The following BMPR1A variants were observed in gnomAD, a reference collection of about 807,000 sequenced individuals.
The protein encoded by BMPR1A is bone morphogenetic protein receptor type 1A, also known as bone morphogenetic protein receptor type-1A.
A neutral mutation model predicts 66.0 loss-of-function variants in BMPR1A; 7 were observed. That is an observed-to-expected ratio of 0.11 (90% confidence interval 0.06 to 0.20). The LOEUF (loss-of-function observed/expected upper bound fraction) is 0.20. Ranked by LOEUF, BMPR1A falls within the 10% of genes least tolerant of loss-of-function variation. BMPR1A has a pLI of 1.00. For synonymous variants in BMPR1A, 200 were observed against 229.7 expected, an observed-to-expected ratio of 0.87 and a Z score of 1.17; for missense variants, 408 against 669.1, an observed-to-expected ratio of 0.61 and a Z score of 4.31.
chr10:86,904,835 G>T (rs1255071108), intron 7 of BMPR1A, among the ~76,000 whole-genome samples: 1 of 152,174 alleles, frequency 6.6e-6, no homozygotes, highest in Admixed American at 6.5e-5. Context: ...CTTTTTTATA[G>T]TTCTAAACTA....
chr10:86,770,735 G>A (rs980372510), intron 1 of BMPR1A, among the ~76,000 whole-genome samples: 6 of 152,200 alleles, frequency 3.9e-5, no homozygotes, highest in Non-Finnish European at 7.4e-5. Flanking sequence ...GTTTTAAACT[G>A]TACTTTTTAA....
At chr10:86,865,680 ACCAGTATTT>A (rs1360078986) in intron 2 of BMPR1A, among the ~76,000 whole-genome samples, 1 of 152,228 alleles carries the variant, frequency 6.6e-6, no homozygotes, top group Admixed American at 6.5e-5. Context: ...CAAAAAAAGA[ACCAGTATTT>A]CTCAACAAGG....
chr10:86,906,377 G>C (rs761606269), intron 7 of BMPR1A, among the ~76,000 whole-genome samples: 8 of 152,014 alleles, frequency 5.3e-5, no homozygotes, highest in Non-Finnish European at 8.8e-5. Context: ...TCTATGGTTT[G>C]CTATCTTTCA....
intron 1 of BMPR1A, among the ~76,000 whole-genome samples, chr10:86,789,707 C>CTT (rs1841572106): frequency 7.2e-6 from 1 of 139,406 alleles, no homozygotes; most frequent in Non-Finnish European, 1.6e-5. Flanking sequence ...AGTGAAAACT[C>CTT]TGTCTTAGAA....
chr10:86,823,602 A>G (rs1272744401), intron 1 of BMPR1A, among the ~76,000 whole-genome samples: 1 of 152,200 alleles, frequency 6.6e-6, no homozygotes, highest in Non-Finnish European at 1.5e-5. Context: ...GAGGTCTTTA[A>G]TGCTTGGTTG....
chr10:86,906,132 C>T (rs1433161985), intron 7 of BMPR1A, among the ~76,000 whole-genome samples: 1 of 152,196 alleles, frequency 6.6e-6, no homozygotes, highest in Non-Finnish European at 1.5e-5. Context: ...TTTTCACTGG[C>T]TATAGAATTC....
chr10:86,804,249 C>T (rs1841853183), intron 1 of BMPR1A, among the ~76,000 whole-genome samples: 4 of 151,948 alleles, frequency 2.6e-5, no homozygotes, highest in African/African-American at 9.7e-5. Context: ...ACATAGTTTT[C>T]TTTTATTTTG....
chr10:86,897,742 G>GA (rs1204701471), intron 5 of BMPR1A, among the ~76,000 whole-genome samples: 1 of 151,984 alleles, frequency 6.6e-6, no homozygotes, highest in Non-Finnish European at 1.5e-5. Context: ...GAGTAGCTGG[G>GA]ACCACAGGCG....
In BMPR1A at chr10:86,923,656, C is replaced by G; in HGVS notation, c.1536C>G (p.Leu512=). 2 of 1,614,212 alleles carry G rather than the reference C, an allele frequency of 1.2e-6. No homozygotes were observed. The highest frequency in any genetic ancestry group is 1.7e-6 in the Non-Finnish European group (2 of 1,180,044). ...GGGCCCACAATCCAGCCTCCAGACT[C>G]ACAGCATTGAGAATTAAGAAGACGC... ...ECWAHNPASR[L]TALRIKKTLA... Residue 512 remains leucine (L), a synonymous_variant, in exon 13 of 13, where the codon CTC becomes CTG. Coordinates refer to ENST00000372037, the MANE Select transcript of BMPR1A (RefSeq NM_004329.3).
intron 2 of BMPR1A, among the ~76,000 whole-genome samples, chr10:86,845,675 C>G (rs1842473975): frequency 6.6e-6 from 1 of 152,140 alleles, no homozygotes; most frequent in Non-Finnish European, 1.5e-5. Context: ...GTCACTGACC[C>G]TGCAGATTGG....
intron 8 of BMPR1A, among the ~76,000 whole-genome samples, chr10:86,914,243 C>G (rs1312861359): frequency 2.0e-5 from 3 of 152,150 alleles, no homozygotes; most frequent in Non-Finnish European, 2.9e-5. Context: ...TACCTCCTCA[C>G]TCTATACCAA....
At chr10:86,850,321 A>G (rs1373401258) in intron 2 of BMPR1A, among the ~76,000 whole-genome samples, 1 of 150,310 alleles carries the variant, frequency 6.7e-6, no homozygotes, top group Non-Finnish European at 1.5e-5. Flanking sequence ...CTCCATTTCA[A>G]AAAAAAAAAA....
At chr10:86,886,282 G>A (rs1487438837) in intron 3 of BMPR1A, among the ~76,000 whole-genome samples, 2 of 152,148 alleles carry the variant, frequency 1.3e-5, no homozygotes, top group Admixed American at 6.5e-5. Context: ...TATTCTGAGT[G>A]CATTGTGGAG....
chr10:86,906,073 G>A (rs1564719957), intron 7 of BMPR1A, among the ~76,000 whole-genome samples: 2 of 152,138 alleles, frequency 1.3e-5, no homozygotes, highest in Non-Finnish European at 2.9e-5. Flanking sequence ...CTGGCTGTAA[G>A]TCCTCTCAGC....
intron 2 of BMPR1A, among the ~76,000 whole-genome samples, chr10:86,866,840 C>T (rs2133268136): frequency 6.6e-6 from 1 of 152,190 alleles, no homozygotes; most frequent in East Asian, 1.9e-4. Flanking sequence ...GTTAGTTTGT[C>T]ATATATACTA....
intron 2 of BMPR1A, among the ~76,000 whole-genome samples, chr10:86,839,624 A>G (rs1842397976): frequency 6.6e-6 from 1 of 150,714 alleles, no homozygotes; most frequent in South Asian, 2.1e-4. Context: ...GATTATATTG[A>G]AAAATGAATG....
At chr10:86,884,316 G>T (rs946399282) in intron 3 of BMPR1A, among the ~76,000 whole-genome samples, 6 of 149,054 alleles carry the variant, frequency 4.0e-5, no homozygotes, top group African/African-American at 1.5e-4. Flanking sequence ...GAACTCCTGA[G>T]CTCAAGCATC....
chr10:86,774,674 T>C (rs1181041045), intron 1 of BMPR1A, among the ~76,000 whole-genome samples: 1 of 152,188 alleles, frequency 6.6e-6, no homozygotes, highest in Admixed American at 6.5e-5. Context: ...TTATCGTGTA[T>C]TTGTAAAATC....
intron 5 of BMPR1A, among the ~76,000 whole-genome samples, chr10:86,898,194 C>T (rs1050647075): frequency 6.6e-6 from 1 of 151,902 alleles, no homozygotes; most frequent in Non-Finnish European, 1.5e-5. Flanking sequence ...AGCCACCACA[C>T]CCAGTTTAAA....
Sources: gnomAD v4.1 joint callset for allele counts (sites outside exome capture counted in the v4.1 genomes callset) on GRCh38, gnomAD v4.1.1 for gene constraint, MANE v1.5 for transcripts, NCBI Gene and HGNC (gene_info 2026-07-23, HGNC 2026-07-21) for gene names.